COA8: variants seen among roughly 807,000 people sequenced by gnomAD.
COA8 encodes the protein cytochrome c oxidase assembly factor 8.
Under a neutral mutation model 22.0 loss-of-function variants are expected in COA8, and 20 were observed. The observed-to-expected ratio is 0.91, with a 90% CI of 0.64 to 1.32. The LOEUF (loss-of-function observed/expected upper bound fraction) is 1.32. Among genes scored for constraint, COA8 ranks in the 40% most tolerant of loss-of-function variants. The probability of loss-of-function intolerance (pLI) is 0.00; values close to 1 mark genes in which losing one functional copy is unlikely to be tolerated. For missense variants in COA8, 266 were observed against 230.0 expected (o/e 1.16, Z -1.01); for synonymous variants, 105 against 79.9 (o/e 1.31, Z -1.68).
chr14:103,571,663 G>C lies in COA8; in HGVS notation c.164G>C (p.Trp55Ser). 1.2e-6 allele frequency: 2 copies of C among 1,614,110 alleles called. No individual in the cohort carries two copies. The highest frequency in any genetic ancestry group is 1.7e-6 in the Non-Finnish European group (2 of 1,180,022). ...CCTCCAAGAAAGTCTTGCCATGATTGGATAGGACCCCCAGATAAATATTCA... is the reference window on the plus strand; with the variant it reads ...CCTCCAAGAAAGTCTTGCCATGATTCGATAGGACCCCCAGATAAATATTCA... ...FCPPRKSCHD[W>S]IGPPDKYSNL... Residue 55 changes from tryptophan (W) to serine (S), a missense_variant, in exon 2 of 5, where the codon TGG becomes TCG. Transcript: ENST00000409074.
chr14:103,571,907 C>A, intron 2 of COA8, 87 bp downstream of exon 2: 3 of 1,164,258 alleles, frequency 2.6e-6, no homozygotes, highest in Non-Finnish European at 3.7e-6. Flanking sequence ...GTGGGCAGAT[C>A]ACGAGGTCAG....
At position 103,585,577 on chromosome 14, in the gene COA8, C is replaced by CT. The variant is rs143878801; in HGVS notation, c.386-1680dup. Among the ~76,000 whole-genome samples the CT allele has an allele frequency of 7.9e-3, 1,021 of 128,532 alleles. 21 individuals carry two copies. Among genetic ancestry groups the CT allele is most frequent in the African/African-American group, 0.021 (754 of 35,486 alleles). 84.3% of individuals were successfully genotyped at this position (128,532 alleles called of 152,430 possible). On this transcript the variant is annotated intron_variant, in intron 3 of 4. Transcript: ENST00000409074. ...TTCTCCCGTTCTATAGGTTTTTTCT[C>CT]TTTTTTTTTTTTTTTTTGAAACAGA...
chr14:103,568,811 A>C (rs2142279360), intron 1 of COA8, among the ~76,000 whole-genome samples: 1 of 151,902 alleles, frequency 6.6e-6, no homozygotes, highest in Non-Finnish European at 1.5e-5. Context: ...TTGGTATTTT[A>C]AGTAGAGGCG....
At position 103,582,213 on chromosome 14, in the gene COA8, C is replaced by T. The variant is rs1361991016; in HGVS notation, c.386-5061C>T. Among the ~76,000 whole-genome samples the T allele has an allele frequency of 2.6e-5, 4 of 152,164 alleles. No homozygotes were observed. The East Asian group carries it at 5.8e-4, about 22-fold the overall frequency. Reference sequence around the variant, plus strand: ...GGACTGGGGCTGCTAAGTCAGAGTGCGCCTCCTGCACCCGCCACCCTGGAT... The same window carrying T: ...GGACTGGGGCTGCTAAGTCAGAGTGTGCCTCCTGCACCCGCCACCCTGGAT... On this transcript the variant is annotated intron_variant, in intron 3 of 4. Transcript: ENST00000409074.
intron 1 of COA8, among the ~76,000 whole-genome samples, chr14:103,564,571 C>CTTTT (rs561702478): frequency 1.1e-5 from 1 of 91,460 alleles, no homozygotes; most frequent in Non-Finnish European, 2.1e-5. Context: ...ATATACACTT[C>CTTTT]TTTTTTTTTT....
Position 103,587,071 on chromosome 14 carries a change from A to G in COA8, c.386-203A>G, listed in dbSNP as rs114893387. ...CAAATTTATTCCTAAGTCTTTTATT[A>G]TTTTTGATGCTATCATAAGTAGAAT... On this transcript the variant is annotated intron_variant, in intron 3 of 4. Transcript: ENST00000409074. 6.4e-3 allele frequency among the ~76,000 whole-genome samples: 981 copies of G among 152,256 alleles called. 13 individuals are homozygous for G. Among genetic ancestry groups the G allele is most frequent in the African/African-American group, 0.022 (926 of 41,546 alleles).
In COA8 at chr14:103,590,593, C is replaced by T. The variant is rs1323055370; in HGVS notation, c.*307C>T. 7.8e-5 allele frequency: 18 copies of T among 229,776 alleles called. No individual in the cohort carries two copies. The Middle Eastern group carries it at 8.1e-3, about 104-fold the overall frequency. 14.2% of individuals were successfully genotyped at this position (229,776 alleles called of 1,614,324 possible). A position where few individuals can be genotyped will look rare whatever the true frequency, so the allele number is the denominator to read the frequency against. On this transcript the variant is annotated 3_prime_UTR_variant, in exon 5 of 5. Transcript: ENST00000409074. ...GAACTATTTAAAAATATTGGCCAGGCACGGTGGCTCACACCTGTAATCCCA... is the reference window on the plus strand; with the variant it reads ...GAACTATTTAAAAATATTGGCCAGGTACGGTGGCTCACACCTGTAATCCCA...
intron 3 of COA8, among the ~76,000 whole-genome samples, chr14:103,582,103 C>A (rs139295282): frequency 6.6e-6 from 1 of 152,146 alleles, no homozygotes; most frequent in Non-Finnish European, 1.5e-5. Context: ...GTGGCCTCCG[C>A]GCCTCCTCAT....
At chr14:103,590,048 G>A in intron 4 of COA8, 133 bp from the exon 5 acceptor site, 1 of 727,140 alleles carries the variant, frequency 1.4e-6, no homozygotes. Context: ...GCTTTAACAA[G>A]GGCAGGGAAA....
At position 103,574,190 on chromosome 14, in the gene COA8, TG is replaced by T. The variant is rs776178624; in HGVS notation, c.385+21del. ...AATCAGGTTAGTGTGTTTGTTTGAT[TG>T]TTTTTTTTGCTTTCTTTGCGTTTGA... On this transcript the variant is annotated intron_variant, in intron 3 of 4. Transcript: ENST00000409074. The T allele has an allele frequency of 4.3e-6, 7 of 1,613,152 alleles. No individual in the cohort carries two copies. The highest frequency in any genetic ancestry group is 3.4e-6 in the Non-Finnish European group (4 of 1,179,768).
chr14:103,583,417 T>C (rs181490478), intron 3 of COA8, among the ~76,000 whole-genome samples: 3,905 of 151,852 alleles, frequency 0.026, 75 homozygotes, highest in South Asian at 0.054. Context: ...GGCGGGCGCC[T>C]GTAATCCCAG....
intron 3 of COA8, among the ~76,000 whole-genome samples, chr14:103,580,898 G>A (rs1019704959): frequency 2.0e-5 from 3 of 151,264 alleles, no homozygotes; most frequent in African/African-American, 4.9e-5. Context: ...CTTGGTTCAA[G>A]GAATTCTCCT....
At chr14:103,584,904 C>A (rs1288612025) in intron 3 of COA8, among the ~76,000 whole-genome samples, 3 of 152,098 alleles carry the variant, frequency 2.0e-5, no homozygotes, top group Non-Finnish European at 1.5e-5. Context: ...CTCTGGGAGG[C>A]CAAGGCGGGC....
chr14:103,567,820 C>T (rs566597983), intron 1 of COA8, among the ~76,000 whole-genome samples: 55 of 152,148 alleles, frequency 3.6e-4, no homozygotes, highest in Admixed American at 5.9e-4. Flanking sequence ...CGTATGTATA[C>T]AGCAGGGGTG....
chr14:103,583,840 C>A (rs570941528), intron 3 of COA8, among the ~76,000 whole-genome samples: 1 of 152,334 alleles, frequency 6.6e-6, no homozygotes, highest in South Asian at 2.1e-4. Flanking sequence ...ATAAATCAGA[C>A]TATGACCCCC....
intron 3 of COA8, among the ~76,000 whole-genome samples, chr14:103,574,944 A>G (rs1435425553): frequency 6.6e-6 from 1 of 152,250 alleles, no homozygotes; most frequent in East Asian, 1.9e-4. Flanking sequence ...GACCCAATGA[A>G]GTAGATACTG....
chr14:103,576,767 G>A (rs2076233225), intron 3 of COA8, among the ~76,000 whole-genome samples: 1 of 152,218 alleles, frequency 6.6e-6, no homozygotes, highest in African/African-American at 2.4e-5. Context: ...GCTCCAGCCC[G>A]GTTGGGAGGT....
intron 3 of COA8, among the ~76,000 whole-genome samples, chr14:103,578,136 G>C (rs1241817277): frequency 6.6e-6 from 1 of 151,744 alleles, no homozygotes; most frequent in Non-Finnish European, 1.5e-5. Flanking sequence ...GGAGGCTGCA[G>C]TGAGCCGAGA....
rs1023331530 is a variant in COA8, at chr14:103,587,489, CT to C, written c.476+135del. The C allele has an allele frequency of 1.2e-3, 509 of 408,670 alleles. 1 individual carries two copies. Among genetic ancestry groups the C allele is most frequent in the Non-Finnish European group, 1.5e-3 (348 of 233,958 alleles). The allele number at this position is 408,670 out of a possible 1,614,324, so 25.3% of individuals were successfully genotyped here. A position where few individuals can be genotyped will look rare whatever the true frequency, so the allele number is the denominator to read the frequency against. On this transcript the variant is annotated intron_variant, in intron 4 of 4. Coordinates refer to ENST00000409074, the MANE Select transcript of COA8 (RefSeq NM_001370595.2). ...GGTAGAAGTTGCAAGACTTTATCAACTTTTTTTTTTCTTTTTTTCTTTTTTT... is the reference window on the plus strand; with the variant it reads ...GGTAGAAGTTGCAAGACTTTATCAACTTTTTTTTTCTTTTTTTCTTTTTTT...
Sources: gnomAD v4.1 joint callset for allele counts (sites outside exome capture counted in the v4.1 genomes callset) on GRCh38, gnomAD v4.1.1 for gene constraint, MANE v1.5 for transcripts, NCBI Gene and HGNC (gene_info 2026-07-23, HGNC 2026-07-21) for gene names.